Variants in SLC6A5 observed in about 807,000 individuals in gnomAD.
The protein encoded by SLC6A5 is solute carrier family 6 member 5, also known as sodium- and chloride-dependent glycine transporter 2.
SLC6A5 carries 58 observed loss-of-function variants against 90.5 expected under a neutral mutation model. The observed-to-expected ratio is 0.64, with a 90% confidence interval of 0.52 to 0.80. The LOEUF is 0.80. SLC6A5 is among the 30% of genes least tolerant of loss of function. The pLI is 0.00. For missense variants in SLC6A5, 1,015 were observed against 1,017.6 expected, an observed-to-expected ratio of 1.00 and a Z score of 0.03; for synonymous variants, 427 against 401.4, an observed-to-expected ratio of 1.06 and a Z score of -0.76.
chr11:20,620,508 G>T (rs763652200), intron 7 of SLC6A5, among the ~76,000 whole-genome samples: 1 of 152,210 alleles, frequency 6.6e-6, no homozygotes, highest in African/African-American at 2.4e-5. Flanking sequence ...TATTCTGAAT[G>T]GCTGCTGTAT....
At chr11:20,600,357 GAAGAAGA>G (rs1565269001) in intron 1 of SLC6A5, among the ~76,000 whole-genome samples, 1 of 137,858 alleles carries the variant, frequency 7.3e-6, no homozygotes, top group South Asian at 2.2e-4. Flanking sequence ...AGAAGAAGAA[GAAGAAGA>G]AGAAGAAGAA....
In SLC6A5 at chr11:20,637,192, A is replaced by T. The variant is rs1853224437; in HGVS notation, c.1758A>T (p.Ile586=). 4 of 1,613,744 alleles carry T rather than the reference A, an allele frequency of 2.5e-6. No homozygotes were observed. Among genetic ancestry groups the T allele is most frequent in the African/African-American group, 1.3e-5 (1 of 74,852 alleles). The change falls in exon 12 of 16, where the codon ATA becomes ATT. Residue 586 remains isoleucine (I), a synonymous_variant. Transcript: ENST00000525748. ...TCCAGTTTGCCACCATCGAGACCAT[A>T]GTGACCTCCATCTCAGACGAGTTTC... ...LDTMFATIET[I]VTSISDEFPK...
At chr11:20,650,828 G>T (rs927004920) in intron 14 of SLC6A5, among the ~76,000 whole-genome samples, 3 of 151,792 alleles carry the variant, frequency 2.0e-5, no homozygotes, top group African/African-American at 7.3e-5. Flanking sequence ...TACCACGCCC[G>T]GCTAATTTTT....
intron 13 of SLC6A5, among the ~76,000 whole-genome samples, chr11:20,645,856 C>T (rs944905563): frequency 1.3e-5 from 2 of 152,022 alleles, no homozygotes; most frequent in Admixed American, 6.6e-5. Flanking sequence ...GGGATGTTCT[C>T]GATCTCCTGA....
chr11:20,638,296 G>A (rs752051123), intron 12 of SLC6A5, among the ~76,000 whole-genome samples, 163 bp from the exon 13 acceptor site: 3 of 152,174 alleles, frequency 2.0e-5, no homozygotes, highest in Admixed American at 6.5e-5. Flanking sequence ...CAGCTTACAT[G>A]CTGGACCAGG....
At position 20,617,866 on chromosome 11, in the gene SLC6A5, A is replaced by G. The variant is rs780959170; in HGVS notation, c.1242A>G (p.Gly414=). 7 of 1,613,898 alleles carry G rather than the reference A, an allele frequency of 4.3e-6. No individual in the cohort carries two copies. The South Asian group carries it at 7.7e-5, about 18-fold the overall frequency. The change falls in exon 7 of 16, where the codon GGA becomes GGG. Residue 414 remains glycine (G), a synonymous_variant. Coordinates refer to ENST00000525748, the MANE Select transcript of SLC6A5 (RefSeq NM_004211.5). ...TTGTGTATGCATCATTGGCTAAAGG[A>G]ATCAAGACTTCAGGAAAAGTAAGCA... is the stretch of plus-strand genomic sequence containing the variant. The part of the protein sequence containing the change: ...WVIVYASLAK[G]IKTSGKVVYF...
chr11:20,638,053 T>A (rs1298322881), intron 12 of SLC6A5, among the ~76,000 whole-genome samples: 2 of 152,142 alleles, frequency 1.3e-5, no homozygotes, highest in African/African-American at 4.8e-5. Flanking sequence ...GTGTGAGAAA[T>A]ACCCAGAGAC....
intron 6 of SLC6A5, 127 bp downstream of exon 6, chr11:20,614,947 T>C (rs1852758711): frequency 1.1e-6 from 1 of 920,302 alleles, no homozygotes. Flanking sequence ...GTTTTTTCCC[T>C]GGTTTGGCTT....
intron 7 of SLC6A5, among the ~76,000 whole-genome samples, chr11:20,620,350 G>T (rs1310832743): frequency 6.6e-6 from 1 of 152,176 alleles, no homozygotes; most frequent in African/African-American, 2.4e-5. Flanking sequence ...CTCTGGACAA[G>T]CTATTTAACC....
At chr11:20,625,286 A>G (rs1852971168) in intron 7 of SLC6A5, among the ~76,000 whole-genome samples, 1 of 151,652 alleles carries the variant, frequency 6.6e-6, no homozygotes. Flanking sequence ...TTTGAGATGG[A>G]GTTTTGCTCT....
At position 20,646,949 on chromosome 11, in the gene SLC6A5, T is replaced by C. The variant is rs1056079653; in HGVS notation, c.2070+15T>C. Reference sequence around the variant, plus strand: ...CCATTTTAACCGTAAGGATTTTGCATGTTTTCTTGTGCAGACAGCACCTTG... The same window carrying C: ...CCATTTTAACCGTAAGGATTTTGCACGTTTTCTTGTGCAGACAGCACCTTG... On this transcript the variant is annotated intron_variant, in intron 14 of 15. Coordinates refer to ENST00000525748, the MANE Select transcript of SLC6A5 (RefSeq NM_004211.5). 6.5e-7 allele frequency: 1 copy of C among 1,536,734 alleles called. No homozygotes were observed. Among genetic ancestry groups the C allele is most frequent in the Non-Finnish European group, 9.0e-7 (1 of 1,109,694 alleles).
chr11:20,623,988 C>G (rs1158982293), intron 7 of SLC6A5, among the ~76,000 whole-genome samples: 1 of 151,998 alleles, frequency 6.6e-6, no homozygotes, highest in Non-Finnish European at 1.5e-5. Context: ...GACTCTCTCC[C>G]CAGCTAGAAT....
chr11:20,607,241 A>G lies in SLC6A5; in HGVS notation c.811+103A>G, dbSNP rs917201886. On this transcript the variant is annotated intron_variant, in intron 4 of 15. Coordinates refer to ENST00000525748, the MANE Select transcript of SLC6A5 (RefSeq NM_004211.5). ...GGAGACCTGCCTTTGTGGTTAATAGAACTAACTCTTTCCTTCCTTTATTTG... is the reference window on the plus strand; with the variant it reads ...GGAGACCTGCCTTTGTGGTTAATAGGACTAACTCTTTCCTTCCTTTATTTG... 3.5e-6 allele frequency: 5 copies of G among 1,441,638 alleles called. No individual in the cohort carries two copies. The African/African-American group carries it at 5.6e-5, about 16-fold the overall frequency. The allele number at this position is 1,441,638 out of a possible 1,614,324, so 89.3% of individuals were successfully genotyped here.
At chr11:20,622,499 T>C (rs1852910815) in intron 7 of SLC6A5, among the ~76,000 whole-genome samples, 2 of 152,180 alleles carry the variant, frequency 1.3e-5, no homozygotes, top group Non-Finnish European at 2.9e-5. Context: ...GCCCATAGAA[T>C]GGCATTCATG....
chr11:20,605,207 T>C (rs1852555419), intron 3 of SLC6A5, among the ~76,000 whole-genome samples: 3 of 152,272 alleles, frequency 2.0e-5, no homozygotes, highest in Non-Finnish European at 2.9e-5. Flanking sequence ...AATAGGAATT[T>C]GAACCTAGAG....
Position 20,607,623 on chromosome 11 carries a change from A to T in SLC6A5, c.956A>T (p.Glu319Val), listed in dbSNP as rs182204638. 1 of 1,614,186 alleles carries T rather than the reference A, an allele frequency of 6.2e-7. No individual in the cohort carries two copies. ...TGCAACAACCCTTGGAATACGCCAG[A>T]ATGCAAAGATAAAACCAAACTTTTA... is the stretch of plus-strand genomic sequence containing the variant. ...GSCNNPWNTP[E>V]CKDKTKLLLD... Residue 319 changes from glutamate to valine, a missense_variant, in exon 5 of 16, where the codon GAA (glutamate) becomes GTA (valine). Transcript: ENST00000525748.
At chr11:20,610,421 C>G (rs147750045) in intron 5 of SLC6A5, among the ~76,000 whole-genome samples, 1 of 152,344 alleles carries the variant, frequency 6.6e-6, no homozygotes, top group South Asian at 2.1e-4. Context: ...CGGCAGTGAT[C>G]TACAGACATC....
At position 20,630,740 on chromosome 11, in the gene SLC6A5, G is replaced by A. The variant is rs775169071; in HGVS notation, c.1549G>A (p.Gly517Ser). Residue 517 changes from glycine to serine, a missense_variant, in exon 10 of 16, where the codon GGC (glycine) becomes AGC (serine). By Grantham distance (56) the Gly-to-Ser change is moderately conservative. Transcript: ENST00000525748. The part of the protein sequence containing the change: ...CTNSATSIFA[G>S]FVIFSVIGFM... ...CAACAGTGCCACAAGCATCTTTGCC[G>A]GCTTCGTCATCTTCTCCGTTATCGG... is the stretch of plus-strand genomic sequence containing the variant. 4 of 1,614,068 alleles carry A rather than the reference G, an allele frequency of 2.5e-6. No homozygotes were observed. The highest frequency in any genetic ancestry group is 1.1e-5 in the South Asian group (1 of 91,078).
In SLC6A5 at chr11:20,607,559, C is replaced by A. The variant is rs373707467; in HGVS notation, c.892C>A (p.Leu298Met). ...GATTATTTGCTATACACTTTTCTAC[C>A]TGTTTGCCTCCTTTGTGTCTGTACT... ...NVIICYTLFY[L>M]FASFVSVLPW... Residue 298 changes from leucine to methionine, a missense_variant, in exon 5 of 16, where the codon CTG becomes ATG. Around this residue, in one of 3 missense-constraint regions of SLC6A5, gnomAD observed 567 missense variants for 507.3 expected, o/e 1.12. Transcript: ENST00000525748. 6.2e-7 allele frequency: 1 copy of A among 1,614,004 alleles called. No homozygotes were observed. The highest frequency in any genetic ancestry group is 2.2e-5 in the East Asian group (1 of 44,880).
Sources: gnomAD v4.1 joint callset for allele counts (sites outside exome capture counted in the v4.1 genomes callset) on GRCh38, gnomAD v4.1.1 for gene constraint, gnomAD v4.1.1 regional missense constraint, MANE v1.5 for transcripts, NCBI Gene and HGNC (gene_info 2026-07-23, HGNC 2026-07-21) for gene names.